Variants in SNX13 observed in about 807,000 individuals in gnomAD.
The protein encoded by SNX13 is sorting nexin-13.
In SNX13, 45 loss-of-function variants were observed where a neutral mutation model predicts 133.6. That is an observed-to-expected ratio of 0.34 (90% CI 0.27 to 0.43). The LOEUF (loss-of-function observed/expected upper bound fraction) is 0.43, where lower values mean the gene tolerates loss of function less well. Among genes scored for constraint, SNX13 ranks in the 20% least tolerant of loss-of-function variants. The probability of loss-of-function intolerance (pLI) is 1.00; values close to 1 mark genes in which losing one functional copy is unlikely to be tolerated. For synonymous variants in SNX13, 414 were observed against 373.9 expected, an observed-to-expected ratio of 1.11 and a Z score of -1.24; for missense variants, 1,032 against 1,145.1, an observed-to-expected ratio of 0.90 and a Z score of 1.43.
At chr7:17,836,329 C>A (rs923731625) in intron 13 of SNX13, among the ~76,000 whole-genome samples, 2 of 151,916 alleles carry the variant, frequency 1.3e-5, no homozygotes, top group Non-Finnish European at 2.9e-5. Flanking sequence ...ACAGCCTGGC[C>A]CACATGGCAA....
intron 19 of SNX13, among the ~76,000 whole-genome samples, chr7:17,815,880 T>A (rs1041629135): frequency 4.6e-5 from 7 of 151,028 alleles, no homozygotes; most frequent in African/African-American, 1.2e-4. Context: ...TTTAGCACTT[T>A]AAAAAAAAAA....
intron 5 of SNX13, chr7:17,879,314 C>T (rs1354837738): frequency 6.6e-6 from 1 of 152,358 alleles, no homozygotes; most frequent in Non-Finnish European, 1.5e-5. Flanking sequence ...AAGTGATCCT[C>T]CTACCTCAGC....
At position 17,839,913 on chromosome 7, in the gene SNX13, T is replaced by G; in HGVS notation, c.1253A>C (p.Glu418Ala). 6.2e-7 allele frequency: 1 copy of G among 1,612,118 alleles called. No individual in the cohort carries two copies. The highest frequency in any genetic ancestry group is 2.2e-5 in the East Asian group (1 of 44,810). Residue 418 changes from glutamate to alanine, a missense_variant, in exon 13 of 26, where the codon GAA (glutamate) becomes GCA (alanine). Coordinates refer to ENST00000428135, the MANE Select transcript of SNX13 (RefSeq NM_015132.5). Reference sequence around the variant, plus strand: ...ATCTCTCTGACGACTTAATAAAACTTCTAGCTGCTGTTGGGCGGTAACCCG... The same window carrying G: ...ATCTCTCTGACGACTTAATAAAACTGCTAGCTGCTGTTGGGCGGTAACCCG... ...GYRVTAQQQL[E>A]VLLSRQRDGK...
intron 20 of SNX13, among the ~76,000 whole-genome samples, chr7:17,804,265 T>C (rs1439901710): frequency 6.6e-6 from 1 of 152,266 alleles, no homozygotes; most frequent in South Asian, 2.1e-4. Context: ...AGCCACTATA[T>C]ACTTCTGGCA....
intron 13 of SNX13, among the ~76,000 whole-genome samples, chr7:17,838,004 G>C (rs982757389): frequency 7.9e-5 from 12 of 151,690 alleles, no homozygotes; most frequent in African/African-American, 2.9e-4. Flanking sequence ...CAATTTTAGC[G>C]AAACAGTATA....
rs1168564819 is a variant in SNX13 at position 17,888,801 on chromosome 7, C to T, written c.440+1562G>A. Reference sequence around the variant, plus strand: ...CCTGACAATTATCCTGAGAGGAACACAGAACAGGGCAGTTATTATTACACT... The same window carrying T: ...CCTGACAATTATCCTGAGAGGAACATAGAACAGGGCAGTTATTATTACACT... On this transcript the variant is annotated intron_variant, in intron 5 of 25. Transcript: ENST00000428135. 8.6e-6 allele frequency: 4 copies of T among 463,254 alleles called. No homozygotes were observed. The Admixed American group carries it at 9.7e-5, about 11-fold the overall frequency. The allele number at this position is 463,254 out of a possible 1,614,324, so 28.7% of individuals were successfully genotyped here.
At chr7:17,854,182 T>C (rs1791598328) in intron 9 of SNX13, among the ~76,000 whole-genome samples, 3 of 152,114 alleles carry the variant, frequency 2.0e-5, no homozygotes, top group Admixed American at 6.5e-5. Flanking sequence ...GTGGAGTAAA[T>C]TATGCATGCA....
intron 18 of SNX13, among the ~76,000 whole-genome samples, chr7:17,817,944 C>T (rs764172095): frequency 3.9e-5 from 6 of 152,092 alleles, no homozygotes; most frequent in Non-Finnish European, 5.9e-5. Context: ...CAGACGGTGA[C>T]TGAATTGAGA....
intron 15 of SNX13, chr7:17,830,864 A>G: frequency 1.0e-6 from 1 of 984,318 alleles, no homozygotes; most frequent in Non-Finnish European, 1.2e-6. Flanking sequence ...GGTTCTCTAA[A>G]TGGGTCTTCA....
At chr7:17,877,576 G>GTCCTGTT (rs1794865917) in intron 5 of SNX13, among the ~76,000 whole-genome samples, 2 of 151,972 alleles carry the variant, frequency 1.3e-5, no homozygotes, top group South Asian at 4.1e-4. Flanking sequence ...AGTTACATCT[G>GTCCTGTT]TCCTGTTTCA....
At position 17,816,278 on chromosome 7, in the gene SNX13, G is replaced by A. The variant is rs950479313; in HGVS notation, c.1857C>T (p.Leu619=). ...HMRITEQFES[L]SSILKLPGKK... is the part of the protein sequence containing the mutation. ...TTCCAGGAAGTTTCAATATGCTTGA[G>A]AGACTTTCAAACTGTAAGACAAAAT... The change falls in exon 19 of 26, where the codon CTC becomes CTT. Residue 619 remains leucine (L), a synonymous_variant. Transcript: ENST00000428135. 11 of 1,541,032 alleles carry A rather than the reference G, an allele frequency of 7.1e-6. No homozygotes were observed. In the Admixed American group the frequency reaches 1.2e-4, roughly 17 times the overall value.
At chr7:17,913,754 CAAAAACAAAAAA>C (rs1799253305) in intron 1 of SNX13, among the ~76,000 whole-genome samples, 1 of 87,272 alleles carries the variant, frequency 1.1e-5, no homozygotes, top group African/African-American at 4.0e-5. Flanking sequence ...AGCAAATTAA[CAAAAACAAAAAA>C]AAAAAAAAAA....
intron 2 of SNX13, among the ~76,000 whole-genome samples, chr7:17,896,761 C>T (rs1346868796): frequency 6.6e-6 from 1 of 152,066 alleles, no homozygotes; most frequent in Non-Finnish European, 1.5e-5. Flanking sequence ...ACCAAATGCT[C>T]TGCATACAAA....
intron 5 of SNX13, among the ~76,000 whole-genome samples, chr7:17,876,575 A>G (rs991490010): frequency 8.0e-5 from 2 of 25,144 alleles, no homozygotes; most frequent in Non-Finnish European, 1.5e-4. Context: ...CTATCTCATC[A>G]AAAAAAAAAA....
At chr7:17,876,466 G>A (rs1386693548) in intron 5 of SNX13, among the ~76,000 whole-genome samples, 2 of 151,754 alleles carry the variant, frequency 1.3e-5, no homozygotes. Flanking sequence ...TATAGTCCCA[G>A]CTGCTAGGGA....
chr7:17,911,302 T>C (rs1432238131), intron 1 of SNX13, among the ~76,000 whole-genome samples: 1 of 152,182 alleles, frequency 6.6e-6, no homozygotes, highest in Non-Finnish European at 1.5e-5. Flanking sequence ...GAAGTAGTAC[T>C]TAACGTTCTC....
intron 2 of SNX13, among the ~76,000 whole-genome samples, chr7:17,896,459 G>A (rs1449962268): frequency 6.6e-6 from 1 of 152,052 alleles, no homozygotes. Context: ...ACCCTTCAGT[G>A]TCCTATACAG....
rs189989127 is a variant in SNX13, at chr7:17,808,040, C to T, written c.2065-4460G>A. ...AGGCTGAAAATTCCAAAAACCAGAA[C>T]GCATCTTCTCCTCCAAAGGATCACA... On this transcript the variant is annotated intron_variant, in intron 20 of 25. Transcript: ENST00000428135. Among the ~76,000 whole-genome samples the T allele has an allele frequency of 2.8e-4, 43 of 152,196 alleles. No homozygotes were observed. The East Asian group carries it at 7.1e-3, about 25-fold the overall frequency.
At chr7:17,933,943 G>T (rs1437567377) in intron 1 of SNX13, among the ~76,000 whole-genome samples, 1 of 152,006 alleles carries the variant, frequency 6.6e-6, no homozygotes, top group Non-Finnish European at 1.5e-5. Context: ...TTACACAGAA[G>T]GAAATTAAAA....
Sources: gnomAD v4.1 joint callset for allele counts (sites outside exome capture counted in the v4.1 genomes callset) on GRCh38, gnomAD v4.1.1 for gene constraint, MANE v1.5 for transcripts, NCBI Gene and HGNC (gene_info 2026-07-23, HGNC 2026-07-21) for gene names.